COL19A1: variants seen among roughly 807,000 people sequenced by gnomAD.
COL19A1 encodes collagen alpha-1(XIX) chain.
In COL19A1, 159 loss-of-function variants were observed where a neutral mutation model predicts 190.2. That is an observed-to-expected ratio of 0.84 (90% CI 0.73 to 0.95). COL19A1 has a LOEUF of 0.95. Among genes scored for constraint, COL19A1 ranks in the 40% least tolerant of loss-of-function variants. The pLI, the probability that COL19A1 is intolerant of heterozygous loss-of-function variation, is 0.00. For missense variants in COL19A1, 1,418 were observed against 1,431.9 expected (o/e 0.99, Z 0.16); for synonymous variants, 509 against 458.9 (o/e 1.11, Z -1.39).
chr6:70,127,349 G>A (rs1008418305), intron 17 of COL19A1, among the ~76,000 whole-genome samples: 7 of 152,162 alleles, frequency 4.6e-5, no homozygotes, highest in Non-Finnish European at 1.0e-4. Context: ...TAGAGAATAT[G>A]TGTGTCAGGA....
intron 40 of COL19A1, 110 bp from the exon 41 acceptor site, chr6:70,171,854 C>A: frequency 1.2e-6 from 1 of 822,832 alleles, no homozygotes; most frequent in Non-Finnish European, 2.1e-6. Context: ...CTAAATTACA[C>A]ATCAATGTTT....
intron 15 of COL19A1, among the ~76,000 whole-genome samples, chr6:70,083,460 T>C (rs1028775915): frequency 6.6e-6 from 1 of 152,200 alleles, no homozygotes. Flanking sequence ...TTCTAGCAAT[T>C]CAGCTTTGTT....
chr6:69,928,263 A>G (rs1772525996), intron 5 of COL19A1, among the ~76,000 whole-genome samples: 1 of 151,982 alleles, frequency 6.6e-6, no homozygotes, highest in Non-Finnish European at 1.5e-5. Flanking sequence ...TTTTTATTTT[A>G]CTTCTAGGTC....
At chr6:69,905,466 G>A (rs1770488302) in intron 4 of COL19A1, among the ~76,000 whole-genome samples, 1 of 152,168 alleles carries the variant, frequency 6.6e-6, no homozygotes, top group Non-Finnish European at 1.5e-5. Flanking sequence ...GCTGAGCCGT[G>A]TCCTGGCTCC....
At chr6:70,119,749 T>C (rs1295420184) in intron 16 of COL19A1, among the ~76,000 whole-genome samples, 1 of 152,216 alleles carries the variant, frequency 6.6e-6, no homozygotes, top group Non-Finnish European at 1.5e-5. Context: ...AAGGACTAAA[T>C]TAGTTAATTC....
chr6:69,892,284 C>T (rs936816431), intron 2 of COL19A1, among the ~76,000 whole-genome samples: 2 of 152,214 alleles, frequency 1.3e-5, no homozygotes, highest in African/African-American at 4.8e-5. Flanking sequence ...TCTTTCTGAG[C>T]TGCAGCTGGA....
At chr6:70,055,730 C>G (rs1266467627) in intron 14 of COL19A1, among the ~76,000 whole-genome samples, 1 of 146,978 alleles carries the variant, frequency 6.8e-6, no homozygotes, top group Admixed American at 6.9e-5. Flanking sequence ...TGCACTGAGC[C>G]AAGATCGTGC....
At chr6:70,021,988 T>G (rs7349873) in intron 11 of COL19A1, among the ~76,000 whole-genome samples, 5,546 of 152,246 alleles carry the variant, frequency 0.036, 138 homozygotes, top group Middle Eastern at 0.071. Flanking sequence ...GCGTTTCTTA[T>G]GTCCCAGTGA....
At chr6:70,151,472 AT>A in intron 31 of COL19A1, 34 bp downstream of exon 31, 1 of 1,600,468 alleles carries the variant, frequency 6.2e-7, no homozygotes, top group Non-Finnish European at 8.5e-7. Flanking sequence ...TTATGTGTTA[AT>A]TTCCAGGAAA....
At chr6:70,099,447 C>A (rs1443882951) in intron 15 of COL19A1, among the ~76,000 whole-genome samples, 3 of 151,876 alleles carry the variant, frequency 2.0e-5, no homozygotes, top group African/African-American at 7.3e-5. Context: ...TACTTTCAGA[C>A]TATGTGGATA....
chr6:69,918,989 CA>C (rs1771510207), intron 4 of COL19A1, among the ~76,000 whole-genome samples: 1 of 152,154 alleles, frequency 6.6e-6, no homozygotes, highest in African/African-American at 2.4e-5. Context: ...AAGTCCAGAG[CA>C]CAGGAGAGAG....
intron 49 of COL19A1, among the ~76,000 whole-genome samples, chr6:70,206,630 G>A (rs1243044914): frequency 2.7e-5 from 2 of 73,092 alleles, no homozygotes; most frequent in East Asian, 7.5e-4. Context: ...GCAGGACTCT[G>A]TCTCAAAAAA....
chr6:69,918,483 G>A (rs1463504803), intron 4 of COL19A1, among the ~76,000 whole-genome samples: 2 of 152,098 alleles, frequency 1.3e-5, no homozygotes, highest in South Asian at 2.1e-4. Context: ...TATCGCTTGA[G>A]GCCAGGAGTT....
intron 15 of COL19A1, among the ~76,000 whole-genome samples, chr6:70,087,824 G>A (rs908531937): frequency 6.6e-6 from 1 of 152,138 alleles, no homozygotes; most frequent in East Asian, 1.9e-4. Context: ...ACATTTCTGT[G>A]ACACATCTAT....
chr6:70,106,192 A>T (rs1208876199), intron 16 of COL19A1, among the ~76,000 whole-genome samples: 2 of 152,164 alleles, frequency 1.3e-5, no homozygotes, highest in African/African-American at 4.8e-5. Context: ...AATTCAAATA[A>T]AGTGTTTTAA....
intron 42 of COL19A1, among the ~76,000 whole-genome samples, chr6:70,179,105 C>G (rs1766007133): frequency 2.0e-5 from 3 of 152,140 alleles, no homozygotes; most frequent in African/African-American, 7.2e-5. Context: ...ACTCAGGCCC[C>G]TAACAACTTC....
intron 15 of COL19A1, among the ~76,000 whole-genome samples, chr6:70,095,524 TG>T (rs947106708): frequency 2.7e-4 from 41 of 152,214 alleles, no homozygotes; most frequent in African/African-American, 9.4e-4. Context: ...TGTTTTCTTT[TG>T]AATTGTGGTA....
At chr6:69,871,707 G>T (rs1345042412) in intron 1 of COL19A1, among the ~76,000 whole-genome samples, 1 of 151,808 alleles carries the variant, frequency 6.6e-6, no homozygotes, top group Non-Finnish European at 1.5e-5. Flanking sequence ...TTGTTAGATG[G>T]CTTAACAGTA....
At position 69,942,740 on chromosome 6, in the gene COL19A1, ATGTG is replaced by A. The variant is rs35406948; in HGVS notation, c.936+4668_936+4671del. On this transcript the variant is annotated intron_variant, in intron 9 of 50. Coordinates refer to ENST00000620364, the MANE Select transcript of COL19A1 (RefSeq NM_001858.6). The stretch of plus-strand genomic sequence containing the variant: ...GGCTTAATGTCATTCCATTGTGTGT[ATGTG>A]TGTGTGTGTGTGTGTGTGTGTGTGT... 2.1e-3 allele frequency among the ~76,000 whole-genome samples: 309 copies of A among 146,680 alleles called. 1 individual carries two copies. Among genetic ancestry groups the A allele is most frequent in the African/African-American group, 5.1e-3 (201 of 39,768 alleles).
Sources: allele counts gnomAD v4.1 joint callset (sites outside exome capture counted in the v4.1 genomes callset), GRCh38; gene constraint gnomAD v4.1.1; transcripts MANE v1.5; gene names NCBI Gene and HGNC (gene_info 2026-07-23, HGNC 2026-07-21).